PAQR8: variants seen among roughly 807,000 people sequenced by gnomAD.
The protein encoded by PAQR8 is progestin and adipoQ receptor family member 8.
PAQR8 carries 17 observed loss-of-function variants against 25.2 expected under a neutral mutation model. That is an observed-to-expected ratio of 0.67 (90% CI 0.46 to 1.01). The LOEUF is 1.01. Among genes scored for constraint, PAQR8 ranks in the 50% least tolerant of loss-of-function variants. PAQR8 has a pLI of 0.00. For synonymous variants in PAQR8, 204 were observed against 190.6 expected, an observed-to-expected ratio of 1.07 and a Z score of -0.58; for missense variants, 392 against 448.4, an observed-to-expected ratio of 0.87 and a Z score of 1.14.
intron 1 of PAQR8, among the ~76,000 whole-genome samples, chr6:52,397,579 G>A (rs190262222): frequency 7.2e-5 from 11 of 152,222 alleles, no homozygotes; most frequent in South Asian, 4.2e-4. Flanking sequence ...CTTCCTCTGC[G>A]GCCTTTGTAG....
chr6:52,363,681 A>G lies in PAQR8; in HGVS notation c.-53+1432A>G, dbSNP rs368989451. On this transcript the variant is annotated intron_variant, in intron 1 of 1. Transcript: ENST00000442253. ...TTGCTTGTCAGTGAAGACTCCTGTTACTGAAGTTAATAGGAGTTGCCTGCA... is the reference window on the plus strand; with the variant it reads ...TTGCTTGTCAGTGAAGACTCCTGTTGCTGAAGTTAATAGGAGTTGCCTGCA... 2.0e-4 allele frequency among the ~76,000 whole-genome samples: 30 copies of G among 152,308 alleles called. No individual in the cohort carries two copies. In the South Asian group the frequency reaches 5.8e-3, roughly 29 times the overall value.
At chr6:52,392,836 A>G (rs1763725380) in intron 1 of PAQR8, among the ~76,000 whole-genome samples, 1 of 152,208 alleles carries the variant, frequency 6.6e-6, no homozygotes, top group Non-Finnish European at 1.5e-5. Flanking sequence ...GGATTATTTG[A>G]TAGATTCCAC....
chr6:52,402,945 G>C (rs759398416), intron 1 of PAQR8, among the ~76,000 whole-genome samples: 1 of 152,144 alleles, frequency 6.6e-6, no homozygotes, highest in Non-Finnish European at 1.5e-5. Context: ...TTATCCGGGC[G>C]TGTTGGCGTG....
Position 52,403,261 on chromosome 6 carries a change from G to T in PAQR8, c.48G>T (p.Gly16=). ...GCCTGAGCACCCTGTCGGTCAGCGG[G>T]CAGCAGCTGCGCCGCCTGCCCAAGA... The part of the protein sequence containing the change: ...LERLSTLSVS[G]QQLRRLPKIL... The change falls in exon 2 of 2, where the codon GGG becomes GGT. Residue 16 remains glycine, a synonymous_variant. Transcript: ENST00000442253. 1 of 1,611,032 alleles carries T rather than the reference G, an allele frequency of 6.2e-7. No homozygotes were observed. Among genetic ancestry groups the T allele is most frequent in the Admixed American group, 1.7e-5 (1 of 59,962 alleles).
At chr6:52,396,304 G>C (rs1192720732) in intron 1 of PAQR8, among the ~76,000 whole-genome samples, 8 of 152,194 alleles carry the variant, frequency 5.3e-5, no homozygotes, top group African/African-American at 1.9e-4. Context: ...ATGACCCAGA[G>C]TTGCTGGGCT....
intron 1 of PAQR8, among the ~76,000 whole-genome samples, chr6:52,395,330 A>T (rs1298089888): frequency 6.6e-6 from 1 of 151,996 alleles, no homozygotes; most frequent in Non-Finnish European, 1.5e-5. Context: ...ATTATTCAAC[A>T]TTTTTTAACA....
Position 52,403,606 on chromosome 6 carries a change from G to C in PAQR8, c.393G>C (p.Leu131=). Residue 131 remains leucine, a synonymous_variant, in exon 2 of 2, where the codon CTG becomes CTC. Coordinates refer to ENST00000442253, the MANE Select transcript of PAQR8 (RefSeq NM_133367.5). ...TYLTCSLLAH[L]LQSKSELSHY... is the part of the protein sequence containing the mutation. ...TCACCTGCAGCCTTCTGGCCCACCTGCTGCAGTCCAAGTCAGAGCTCTCCC... is the reference window on the plus strand; with the variant it reads ...TCACCTGCAGCCTTCTGGCCCACCTCCTGCAGTCCAAGTCAGAGCTCTCCC... The C allele has an allele frequency of 6.2e-7, 1 of 1,614,076 alleles. No individual in the cohort carries two copies.
intron 1 of PAQR8, among the ~76,000 whole-genome samples, chr6:52,402,953 G>A (rs1195276377): frequency 1.3e-5 from 2 of 152,098 alleles, no homozygotes; most frequent in South Asian, 2.1e-4. Flanking sequence ...GCGTGTTGGC[G>A]TGCATCTATG....
intron 1 of PAQR8, among the ~76,000 whole-genome samples, chr6:52,376,612 T>A (rs1251035264): frequency 6.6e-6 from 1 of 152,176 alleles, no homozygotes; most frequent in African/African-American, 2.4e-5. Context: ...CAAGTATTTT[T>A]AAAGTATTTT....
intron 1 of PAQR8, among the ~76,000 whole-genome samples, chr6:52,385,652 G>A (rs1032059674): frequency 1.3e-5 from 2 of 152,192 alleles, no homozygotes; most frequent in African/African-American, 4.8e-5. Context: ...GGGGGGCAAG[G>A]TGGGTAGATT....
chr6:52,369,088 A>G (rs1461946093), intron 1 of PAQR8, among the ~76,000 whole-genome samples: 1 of 152,240 alleles, frequency 6.6e-6, no homozygotes, highest in African/African-American at 2.4e-5. Context: ...CTATGTGAGG[A>G]ATATTCAATA....
At chr6:52,381,706 C>T (rs535783344) in intron 1 of PAQR8, among the ~76,000 whole-genome samples, 2 of 152,198 alleles carry the variant, frequency 1.3e-5, no homozygotes, top group East Asian at 1.9e-4. Context: ...GTTCTGAACA[C>T]AATTCTTATA....
intron 1 of PAQR8, among the ~76,000 whole-genome samples, chr6:52,364,103 T>TTTTTTTTTTTTTTTTGG (rs59464397): frequency 7.2e-6 from 1 of 139,040 alleles, no homozygotes; most frequent in Non-Finnish European, 1.5e-5. Context: ...TTTTTTTTTT[T>TTTTTTTTTTTTTTTTGG]GCGGGTGTGT....
chr6:52,402,564 C>G (rs563437243), intron 1 of PAQR8, among the ~76,000 whole-genome samples: 28 of 147,788 alleles, frequency 1.9e-4, no homozygotes, highest in South Asian at 1.1e-3. Context: ...TTGTGGTGAG[C>G]CGAGATGGTA....
intron 1 of PAQR8, among the ~76,000 whole-genome samples, chr6:52,368,428 T>C (rs6458836): frequency 0.73 from 110,773 of 151,814 alleles, 40,521 homozygotes; most frequent in South Asian, 0.81. Context: ...TTTTTTAATT[T>C]TTGGGTGTGA....
intron 1 of PAQR8, among the ~76,000 whole-genome samples, chr6:52,398,204 C>CTT (rs869285681): frequency 2.1e-4 from 18 of 85,812 alleles, no homozygotes; most frequent in African/African-American, 3.0e-4. Context: ...TTTCTTTTTT[C>CTT]TTTTTTTTTT....
intron 1 of PAQR8, among the ~76,000 whole-genome samples, chr6:52,377,301 G>T (rs1763496419): frequency 6.6e-6 from 1 of 151,708 alleles, no homozygotes; most frequent in Admixed American, 6.6e-5. Context: ...TCAGTTTACG[G>T]CATTATTGGT....
intron 1 of PAQR8, among the ~76,000 whole-genome samples, chr6:52,364,869 C>T (rs980906443): frequency 8.5e-5 from 13 of 152,194 alleles, no homozygotes; most frequent in African/African-American, 3.1e-4. Flanking sequence ...GGGCTCCCAT[C>T]ATCTCCACAG....
rs1198281794 is a variant in PAQR8, at chr6:52,406,307, A to C, written c.*2029A>C. On this transcript the variant is annotated 3_prime_UTR_variant, in exon 2 of 2. Coordinates refer to ENST00000442253, the MANE Select transcript of PAQR8 (RefSeq NM_133367.5). ...GGAAGGAGAAGGGAGGGAAGAGAGCAGAAGGGAAGAAGGTGTAAGTCAAGC... is the reference window on the plus strand; with the variant it reads ...GGAAGGAGAAGGGAGGGAAGAGAGCCGAAGGGAAGAAGGTGTAAGTCAAGC... 1.5e-5 allele frequency: 6 copies of C among 409,230 alleles called. No individual in the cohort carries two copies. The highest frequency in any genetic ancestry group is 2.7e-5 in the Non-Finnish European group (6 of 223,990). 25.3% of individuals were successfully genotyped at this position (409,230 alleles called of 1,614,324 possible). A position where few individuals can be genotyped will look rare whatever the true frequency, so the allele number is the denominator to read the frequency against.
Sources: gnomAD v4.1 joint callset for allele counts (sites outside exome capture counted in the v4.1 genomes callset) on GRCh38, gnomAD v4.1.1 for gene constraint, MANE v1.5 for transcripts, NCBI Gene and HGNC (gene_info 2026-07-23, HGNC 2026-07-21) for gene names.